The following SLC10A7 variants were observed in gnomAD, a reference collection of about 807,000 sequenced individuals.
The protein encoded by SLC10A7 is solute carrier family 10 member 7.
SLC10A7 carries 29 observed loss-of-function variants against 43.2 expected under a neutral mutation model. The ratio of observed to expected loss-of-function variants is 0.67; its 90% confidence interval spans 0.50 to 0.92. The LOEUF (loss-of-function observed/expected upper bound fraction) is 0.92. Ranked by LOEUF, SLC10A7 falls within the 40% of genes least tolerant of loss-of-function variation. SLC10A7 has a pLI of 0.00. For synonymous variants in SLC10A7, 152 were observed against 144.8 expected, an observed-to-expected ratio of 1.05 and a Z score of -0.35; for missense variants, 295 against 403.2, an observed-to-expected ratio of 0.73 and a Z score of 2.30.
intron 6 of SLC10A7, among the ~76,000 whole-genome samples, chr4:146,321,351 T>C (rs1035930579): frequency 6.6e-6 from 1 of 152,118 alleles, no homozygotes; most frequent in African/African-American, 2.4e-5. Flanking sequence ...CATCATCACA[T>C]AGAATTCCAC....
chr4:146,520,276 G>GT (rs36032475), intron 1 of SLC10A7, among the ~76,000 whole-genome samples: 2 of 151,724 alleles, frequency 1.3e-5, no homozygotes, highest in Non-Finnish European at 2.9e-5. Context: ...GGGATAGGGG[G>GT]TCTTCATTTG....
In SLC10A7 at chr4:146,254,418, AATTTTG is replaced by A. The variant is rs1368523657; in HGVS notation, c.*2067_*2072del. On this transcript the variant is annotated 3_prime_UTR_variant, in exon 12 of 12. Coordinates refer to ENST00000335472, the MANE Select transcript of SLC10A7 (RefSeq NM_001029998.6). ...TCCCAATAAGCATGAATTAAAAATA[AATTTTG>A]ATTTTATTTTTTGTTCTTTATGAAA... is the stretch of plus-strand genomic sequence containing the variant. 6.6e-6 allele frequency: 1 copy of A among 152,220 alleles called. No individual in the cohort carries two copies. The highest frequency in any genetic ancestry group is 1.5e-5 in the Non-Finnish European group (1 of 68,042). The allele number at this position is 152,220 out of a possible 1,614,324, so 9.4% of individuals were successfully genotyped here. A position where few individuals can be genotyped will look rare whatever the true frequency, so the allele number is the denominator to read the frequency against.
intron 5 of SLC10A7, among the ~76,000 whole-genome samples, chr4:146,355,392 G>T (rs1026663604): frequency 6.9e-4 from 105 of 152,160 alleles, no homozygotes; most frequent in Non-Finnish European, 1.1e-3. Context: ...GGAAACAACA[G>T]GTACTGGAGA....
At chr4:146,374,063 C>T (rs1317227769) in intron 5 of SLC10A7, among the ~76,000 whole-genome samples, 1 of 152,188 alleles carries the variant, frequency 6.6e-6, no homozygotes, top group African/African-American at 2.4e-5. Context: ...AACTGGAGTG[C>T]TATTCATTGG....
At chr4:146,479,308 C>T (rs997076501) in intron 4 of SLC10A7, among the ~76,000 whole-genome samples, 1 of 152,110 alleles carries the variant, frequency 6.6e-6, no homozygotes, top group Non-Finnish European at 1.5e-5. Context: ...GTGACTTCAG[C>T]TTTGTACTAT....
intron 4 of SLC10A7, among the ~76,000 whole-genome samples, chr4:146,491,674 G>A (rs1260075064): frequency 7.6e-6 from 1 of 130,968 alleles, no homozygotes; most frequent in African/African-American, 2.9e-5. Flanking sequence ...GAGGGAGGGA[G>A]GAAGGGAAGG....
chr4:146,304,223 A>T (rs1195643772), intron 7 of SLC10A7, among the ~76,000 whole-genome samples: 1 of 151,014 alleles, frequency 6.6e-6, no homozygotes, highest in Non-Finnish European at 1.5e-5. Flanking sequence ...AGATAATAGG[A>T]TTAAATTGTT....
At chr4:146,374,202 G>A (rs1256060777) in intron 5 of SLC10A7, among the ~76,000 whole-genome samples, 1 of 152,056 alleles carries the variant, frequency 6.6e-6, no homozygotes, top group Admixed American at 6.6e-5. Context: ...GCGTTTTGTC[G>A]AGATTACATG....
chr4:146,517,202 C>T, intron 1 of SLC10A7, 82 bp from the exon 2 acceptor site: 1 of 1,144,982 alleles, frequency 8.7e-7, no homozygotes, highest in Non-Finnish European at 1.3e-6. Context: ...TTTGTTCACA[C>T]CTGTAATCCC....
rs149757374 is a variant in SLC10A7, at chr4:146,281,435, GA to G, written c.847+1756del. Reference sequence around the variant, plus strand: ...AAAAATAAGAACAATCTTCAAAATAGAAAAAAAAAAAAGTGGGTCAGGTTTG... The same window carrying G: ...AAAAATAAGAACAATCTTCAAAATAGAAAAAAAAAAAGTGGGTCAGGTTTG... On this transcript the variant is annotated intron_variant, in intron 10 of 11. Transcript: ENST00000335472. 2.6e-3 allele frequency among the ~76,000 whole-genome samples: 359 copies of G among 139,676 alleles called. 1 individual carries two copies. Among genetic ancestry groups the G allele is most frequent in the African/African-American group, 7.4e-3 (284 of 38,332 alleles). The allele number at this position is 139,676 out of a possible 152,430, so 91.6% of individuals were successfully genotyped here.
At chr4:146,345,882 C>A (rs1156894255) in intron 5 of SLC10A7, among the ~76,000 whole-genome samples, 2 of 152,104 alleles carry the variant, frequency 1.3e-5, no homozygotes, top group African/African-American at 4.8e-5. Context: ...ACTGTTCTTG[C>A]ACTTTGCAAG....
intron 9 of SLC10A7, among the ~76,000 whole-genome samples, chr4:146,286,222 C>T (rs74459371): frequency 3.8e-5 from 4 of 104,304 alleles, no homozygotes; most frequent in African/African-American, 1.7e-4. Flanking sequence ...GTGAGAAGGA[C>T]CGTGTTTGGA....
chr4:146,429,762 A>T (rs1354672014), intron 5 of SLC10A7, among the ~76,000 whole-genome samples: 1 of 152,154 alleles, frequency 6.6e-6, no homozygotes, highest in African/African-American at 2.4e-5. Flanking sequence ...CTTTTGAGAT[A>T]GGTTTTGAAG....
intron 1 of SLC10A7, among the ~76,000 whole-genome samples, chr4:146,517,886 C>T (rs556681637): frequency 6.6e-6 from 1 of 152,194 alleles, no homozygotes; most frequent in African/African-American, 2.4e-5. Flanking sequence ...CAGTTCTGCC[C>T]AAGAGTATTC....
In SLC10A7 at chr4:146,449,665, AACC is replaced by A. The variant is rs1241218446; in HGVS notation, c.397-6847_397-6845del. 2.5e-3 allele frequency among the ~76,000 whole-genome samples: 385 copies of A among 152,158 alleles called. 3 individuals carry two copies. Among genetic ancestry groups the A allele is most frequent in the African/African-American group, 9.0e-3 (374 of 41,536 alleles). On this transcript the variant is annotated intron_variant, in intron 4 of 11. Transcript: ENST00000335472. ...GAAGCTTTAAAAAAATAAAAACACA[AACC>A]ACCACCACCACCACCACCACAACAA...
At chr4:146,261,339 C>A (rs757644736) in intron 10 of SLC10A7, among the ~76,000 whole-genome samples, 10 of 152,200 alleles carry the variant, frequency 6.6e-5, no homozygotes, top group Non-Finnish European at 1.3e-4. Context: ...CGGGGCAGTG[C>A]CCCTTCTCAG....
chr4:146,256,490 G>A lies in SLC10A7; in HGVS notation c.*1C>T. The A allele has an allele frequency of 6.2e-7, 1 of 1,613,990 alleles. No individual in the cohort carries two copies. The highest frequency in any genetic ancestry group is 8.5e-7 in the Non-Finnish European group (1 of 1,179,900). On this transcript the variant is annotated 3_prime_UTR_variant, in exon 12 of 12. Coordinates refer to ENST00000335472, the MANE Select transcript of SLC10A7 (RefSeq NM_001029998.6). ...TTGCTACAGAAAGTCCACCTCCTTT[G>A]TTATACTGTCGGCCTTGTCAGCTTC...
chr4:146,280,147 G>A (rs947866899), intron 10 of SLC10A7, among the ~76,000 whole-genome samples: 5 of 151,970 alleles, frequency 3.3e-5, no homozygotes, highest in Admixed American at 2.6e-4. Context: ...TTCACTTAAT[G>A]TATTCTACGT....
intron 4 of SLC10A7, among the ~76,000 whole-genome samples, chr4:146,448,045 C>T (rs1206964094): frequency 6.6e-6 from 1 of 151,684 alleles, no homozygotes; most frequent in East Asian, 1.9e-4. Flanking sequence ...GGAAGGGGAA[C>T]ATCACACATC....
Sources: allele counts gnomAD v4.1 joint callset (sites outside exome capture counted in the v4.1 genomes callset), GRCh38; gene constraint gnomAD v4.1.1; transcripts MANE v1.5; gene names NCBI Gene and HGNC (gene_info 2026-07-23, HGNC 2026-07-21).